The following ARHGAP15 variants were observed in gnomAD, a reference collection of about 807,000 sequenced individuals.
The protein encoded by ARHGAP15 is Rho GTPase activating protein 15.
Under a neutral mutation model 63.7 loss-of-function variants are expected in ARHGAP15, and 51 were observed. The observed-to-expected ratio is 0.80, with a 90% confidence interval of 0.64 to 1.01. The LOEUF is 1.01. ARHGAP15 is among the 50% of genes least tolerant of loss of function. ARHGAP15 has a pLI of 0.00. For synonymous variants in ARHGAP15, 191 were observed against 193.8 expected, an observed-to-expected ratio of 0.99 and a Z score of 0.12; for missense variants, 560 against 564.6, an observed-to-expected ratio of 0.99 and a Z score of 0.08.
chr2:143,240,398 G>T (rs989464086), intron 5 of ARHGAP15, among the ~76,000 whole-genome samples: 1 of 152,048 alleles, frequency 6.6e-6, no homozygotes, highest in Admixed American at 6.6e-5. Flanking sequence ...CAATCAGAAA[G>T]CTATTCATGA....
chr2:143,743,428 A>C (rs1237505652), intron 13 of ARHGAP15, among the ~76,000 whole-genome samples: 3 of 152,190 alleles, frequency 2.0e-5, no homozygotes, highest in East Asian at 3.9e-4. Flanking sequence ...TGTGTAGGGA[A>C]GGCCCTACTG....
intron 6 of ARHGAP15, among the ~76,000 whole-genome samples, chr2:143,414,885 C>T (rs964801664): frequency 1.4e-4 from 21 of 152,222 alleles, no homozygotes; most frequent in African/African-American, 1.9e-4. Flanking sequence ...GTCAAGATCA[C>T]ACCACTGCAC....
chr2:143,419,548 C>T (rs540824098), intron 6 of ARHGAP15, among the ~76,000 whole-genome samples: 2 of 151,530 alleles, frequency 1.3e-5, no homozygotes, highest in South Asian at 4.2e-4. Context: ...TAAACAGATG[C>T]TTTCAAAGAA....
At chr2:143,602,033 G>T (rs1182002736) in intron 11 of ARHGAP15, among the ~76,000 whole-genome samples, 5 of 151,834 alleles carry the variant, frequency 3.3e-5, no homozygotes, top group African/African-American at 1.2e-4. Flanking sequence ...TTTTTGGCAT[G>T]TGTCAGCAAA....
intron 2 of ARHGAP15, among the ~76,000 whole-genome samples, chr2:143,201,503 C>T (rs1288838844): frequency 6.6e-6 from 1 of 151,990 alleles, no homozygotes; most frequent in Non-Finnish European, 1.5e-5. Context: ...TTTCTTATTT[C>T]ACGTGTTCTC....
At chr2:143,433,949 T>C (rs1689494587) in intron 6 of ARHGAP15, among the ~76,000 whole-genome samples, 1 of 152,168 alleles carries the variant, frequency 6.6e-6, no homozygotes, top group East Asian at 1.9e-4. Flanking sequence ...GAAATGACCT[T>C]ATATTTTTAG....
chr2:143,404,994 A>G (rs1423746014), intron 6 of ARHGAP15, among the ~76,000 whole-genome samples: 2 of 151,904 alleles, frequency 1.3e-5, no homozygotes, highest in Non-Finnish European at 2.9e-5. Flanking sequence ...AAAATTTACA[A>G]CTTCTACATG....
At chr2:143,518,965 A>G (rs1693941488) in intron 9 of ARHGAP15, 1 of 197,864 alleles carries the variant, frequency 5.1e-6, no homozygotes, top group Non-Finnish European at 1.0e-5. Context: ...AATTTTCTCA[A>G]TTCTTTGTCT....
intron 4 of ARHGAP15, among the ~76,000 whole-genome samples, chr2:143,217,797 A>C (rs1254598511): frequency 6.6e-6 from 1 of 152,230 alleles, no homozygotes; most frequent in African/African-American, 2.4e-5. Flanking sequence ...TGTGGAATAA[A>C]GAGTTTCTTC....
chr2:143,378,655 G>A (rs141198089), intron 6 of ARHGAP15, among the ~76,000 whole-genome samples: 250 of 152,134 alleles, frequency 1.6e-3, no homozygotes, highest in African/African-American at 6.0e-3. Context: ...TCCTCTACCA[G>A]TTCTGCTAAA....
chr2:143,524,251 T>C (rs1195312777), intron 10 of ARHGAP15, among the ~76,000 whole-genome samples: 2 of 152,174 alleles, frequency 1.3e-5, no homozygotes, highest in East Asian at 3.9e-4. Context: ...GATCCAGTTA[T>C]AGGTTCCGAT....
chr2:143,462,882 CAGTT>C (rs987158345), intron 8 of ARHGAP15, among the ~76,000 whole-genome samples: 111 of 152,110 alleles, frequency 7.3e-4, no homozygotes, highest in African/African-American at 2.6e-3. Flanking sequence ...CATAAAGAAA[CAGTT>C]AGAAAGGGAA....
intron 9 of ARHGAP15, among the ~76,000 whole-genome samples, chr2:143,493,044 C>T (rs922351502): frequency 2.8e-5 from 4 of 142,002 alleles, no homozygotes; most frequent in South Asian, 2.3e-4. Flanking sequence ...GGCGACAGAG[C>T]GAGACTCTGT....
chr2:143,381,751 A>G (rs971579934), intron 6 of ARHGAP15, among the ~76,000 whole-genome samples: 1 of 152,066 alleles, frequency 6.6e-6, no homozygotes, highest in Non-Finnish European at 1.5e-5. Context: ...TGTAACTCTC[A>G]ATGCAGCACC....
At chr2:143,329,526 C>T (rs540869682) in intron 6 of ARHGAP15, among the ~76,000 whole-genome samples, 117 of 152,230 alleles carry the variant, frequency 7.7e-4, no homozygotes, top group Non-Finnish European at 1.4e-3. Context: ...GATACAGTAA[C>T]CCCATCTGAC....
At chr2:143,689,261 AATC>A (rs1683486997) in intron 12 of ARHGAP15, among the ~76,000 whole-genome samples, 1 of 152,064 alleles carries the variant, frequency 6.6e-6, no homozygotes, top group African/African-American at 2.4e-5. Context: ...TCCTTCCTCA[AATC>A]ATCTATATAA....
rs1365253098 is a variant in ARHGAP15 at position 143,573,761 on chromosome 2, G to C, written c.1003+17276G>C. ...AATTTTATGGGATCCAGTATACCTA[G>C]TATAGTGGGTTTGGAGGTGCACTCT... On this transcript the variant is annotated intron_variant, in intron 11 of 13. Transcript: ENST00000295095. 2.0e-5 allele frequency among the ~76,000 whole-genome samples: 3 copies of C among 152,210 alleles called. No individual in the cohort carries two copies. The East Asian group carries it at 5.8e-4, about 29-fold the overall frequency.
At chr2:143,552,307 C>T (rs918986681) in intron 10 of ARHGAP15, among the ~76,000 whole-genome samples, 5 of 152,166 alleles carry the variant, frequency 3.3e-5, no homozygotes, top group African/African-American at 9.7e-5. Flanking sequence ...ATCATTCGGG[C>T]TACCAAAAAT....
In ARHGAP15 at chr2:143,318,131, T is replaced by A. The variant is rs139068022; in HGVS notation, c.474+67531T>A. 3.1e-3 allele frequency among the ~76,000 whole-genome samples: 465 copies of A among 152,112 alleles called. 4 individuals carry two copies. The highest frequency in any genetic ancestry group is 0.011 in the African/African-American group (448 of 41,486). ...CTCTTGCCCCAGCCTCTCGAGTAGC[T>A]GGGACTACAGGCACGTGGCACCACA... On this transcript the variant is annotated intron_variant, in intron 6 of 13. Transcript: ENST00000295095.
Sources: allele counts gnomAD v4.1 joint callset (sites outside exome capture counted in the v4.1 genomes callset), GRCh38; gene constraint gnomAD v4.1.1; transcripts MANE v1.5; gene names NCBI Gene and HGNC (gene_info 2026-07-23, HGNC 2026-07-21).